SAMD8: variants seen among roughly 807,000 people sequenced by gnomAD.
The protein encoded by SAMD8 is sphingomyelin synthase-related protein 1.
A neutral mutation model predicts 42.0 loss-of-function variants in SAMD8; 20 were observed. The observed-to-expected ratio is 0.48, with a 90% CI of 0.34 to 0.69. SAMD8 has a LOEUF of 0.69. Ranked by LOEUF, SAMD8 falls within the 30% of genes least tolerant of loss-of-function variation. The pLI is 0.01. For missense variants in SAMD8, 328 were observed against 511.6 expected (o/e 0.64, Z 3.46); for synonymous variants, 162 against 173.0 (o/e 0.94, Z 0.50).
rs555887668 is a variant in SAMD8 at position 75,134,962 on chromosome 10, G to T, written c.-15-15552G>T. Among the ~76,000 whole-genome samples, 4 of 152,250 alleles carry T rather than the reference G, an allele frequency of 2.6e-5. No individual in the cohort carries two copies. In the South Asian group the frequency reaches 8.3e-4, roughly 32 times the overall value. On this transcript the variant is annotated intron_variant, in intron 1 of 5. Coordinates refer to ENST00000542569, the MANE Select transcript of SAMD8 (RefSeq NM_001174156.2). Reference sequence around the variant, plus strand: ...TGTAGTCCCCGCTACTCAGGAGGCTGAGGTGGGAGGATCACTTGAGCCCAG... The same window carrying T: ...TGTAGTCCCCGCTACTCAGGAGGCTTAGGTGGGAGGATCACTTGAGCCCAG...
intron 4 of SAMD8, among the ~76,000 whole-genome samples, chr10:75,175,290 G>A (rs1840966431): frequency 6.6e-6 from 1 of 152,168 alleles, no homozygotes; most frequent in African/African-American, 2.4e-5. Context: ...TGAATTCATT[G>A]CTGCCTCAAT....
At chr10:75,101,891 G>C (rs1848184149) in intron 1 of SAMD8, 5 of 1,367,184 alleles carry the variant, frequency 3.7e-6, no homozygotes, top group Non-Finnish European at 3.9e-6. Flanking sequence ...GGCCCAGGCT[G>C]TGCACTTCTC....
At chr10:75,109,125 T>TC (rs754553394), upstream of SAMD8, 1 of 1,605,270 alleles carries the variant, frequency 6.2e-7, no homozygotes, top group South Asian at 1.1e-5. Flanking sequence ...CTTTGTCCTC[T>TC]CCCCCCAGCT....
chr10:75,144,075 C>G (rs1046848886), intron 1 of SAMD8, among the ~76,000 whole-genome samples: 1 of 150,414 alleles, frequency 6.6e-6, no homozygotes, highest in Non-Finnish European at 1.5e-5. Context: ...TCAAGTGATT[C>G]TCCTGCCTCA....
At chr10:75,172,244 A>G (rs570402368) in intron 4 of SAMD8, among the ~76,000 whole-genome samples, 1 of 152,150 alleles carries the variant, frequency 6.6e-6, no homozygotes, top group African/African-American at 2.4e-5. Flanking sequence ...TGGTGTGCGC[A>G]GTTTCTTCAA....
intron 1 of SAMD8, among the ~76,000 whole-genome samples, chr10:75,101,316 T>C (rs1214321224): frequency 2.0e-5 from 3 of 152,230 alleles, no homozygotes; most frequent in Admixed American, 2.0e-4. Context: ...GTCTGTCTTA[T>C]GGTAGATGCC....
intron 2 of SAMD8, among the ~76,000 whole-genome samples, chr10:75,151,811 T>G (rs947283655): frequency 6.6e-6 from 1 of 152,162 alleles, no homozygotes; most frequent in African/African-American, 2.4e-5. Context: ...CTCAGCCTCC[T>G]GAGTAGCTGG....
At chr10:75,143,452 T>A (rs983695144) in intron 1 of SAMD8, among the ~76,000 whole-genome samples, 1 of 152,222 alleles carries the variant, frequency 6.6e-6, no homozygotes, top group Admixed American at 6.5e-5. Context: ...CTTAAATTTT[T>A]GTAGTGCATG....
intron 1 of SAMD8, among the ~76,000 whole-genome samples, chr10:75,137,579 A>G (rs1839920135): frequency 6.6e-6 from 1 of 152,122 alleles, no homozygotes; most frequent in Non-Finnish European, 1.5e-5. Context: ...CATACACTAC[A>G]ACACAGATGA....
intron 1 of SAMD8, chr10:75,101,877 A>G (rs758214523): frequency 5.4e-5 from 74 of 1,366,560 alleles, no homozygotes; most frequent in Non-Finnish European, 6.6e-5. Context: ...CTGTGGGAGT[A>G]TCTGGCCCAG....
chr10:75,111,528 G>C (rs1235603543), upstream of SAMD8: 11 of 1,231,726 alleles, frequency 8.9e-6, no homozygotes, highest in African/African-American at 1.6e-4. Context: ...TGCCGGCGCG[G>C]CGGTGACGGC....
At chr10:75,172,094 C>T (rs1340181610) in intron 4 of SAMD8, among the ~76,000 whole-genome samples, 6 of 152,002 alleles carry the variant, frequency 3.9e-5, no homozygotes, top group Middle Eastern at 6.9e-3. Flanking sequence ...TTCACTACTG[C>T]CAACATGTAT....
upstream of SAMD8, among the ~76,000 whole-genome samples, chr10:75,111,262 C>T (rs531592075): frequency 6.8e-4 from 103 of 152,382 alleles, no homozygotes; most frequent in African/African-American, 2.4e-3. Flanking sequence ...TTACCTCCTT[C>T]TAGGCCCTAA....
At chr10:75,121,074 G>A (rs1356912272) in intron 1 of SAMD8, among the ~76,000 whole-genome samples, 3 of 152,102 alleles carry the variant, frequency 2.0e-5, no homozygotes, top group Non-Finnish European at 4.4e-5. Context: ...ACCACACCCG[G>A]ACTTTTGAGC....
At chr10:75,121,751 G>A (rs920896165) in intron 1 of SAMD8, among the ~76,000 whole-genome samples, 16 of 151,994 alleles carry the variant, frequency 1.1e-4, no homozygotes, top group African/African-American at 3.6e-4. Flanking sequence ...GAGTGCAGTG[G>A]TGCGATCTTG....
At chr10:75,160,825 G>A (rs115664797) in intron 2 of SAMD8, among the ~76,000 whole-genome samples, 181 of 152,266 alleles carry the variant, frequency 1.2e-3, no homozygotes, top group African/African-American at 4.3e-3. Context: ...TCAAGGCCAG[G>A]TACAGATAGG....
At chr10:75,141,853 CT>C (rs923467183) in intron 1 of SAMD8, among the ~76,000 whole-genome samples, 1 of 151,392 alleles carries the variant, frequency 6.6e-6, no homozygotes. Flanking sequence ...CCTTTTGCTT[CT>C]TTTTTTTATC....
chr10:75,152,263 C>T (rs1181007121), intron 2 of SAMD8, among the ~76,000 whole-genome samples: 5 of 151,322 alleles, frequency 3.3e-5, no homozygotes, highest in Non-Finnish European at 7.4e-5. Flanking sequence ...TGGCTCACGC[C>T]TGTAATCCCA....
intron 1 of SAMD8, among the ~76,000 whole-genome samples, chr10:75,147,743 G>C (rs927491564): frequency 6.6e-6 from 1 of 152,118 alleles, no homozygotes; most frequent in Non-Finnish European, 1.5e-5. Flanking sequence ...GAGATACTTT[G>C]GGTAAAAGAA....
Sources: allele counts gnomAD v4.1 joint callset (sites outside exome capture counted in the v4.1 genomes callset), GRCh38; gene constraint gnomAD v4.1.1; transcripts MANE v1.5; gene names NCBI Gene and HGNC (gene_info 2026-07-23, HGNC 2026-07-21).